The following SDK2 variants were observed in gnomAD, a reference collection of about 807,000 sequenced individuals.
SDK2 encodes the protein protein sidekick-2.
In SDK2, 105 loss-of-function variants were observed where a neutral mutation model predicts 253.9. That is an observed-to-expected ratio of 0.41 (90% confidence interval 0.35 to 0.49). The LOEUF is 0.49. Ranked by LOEUF, SDK2 falls within the 20% of genes least tolerant of loss-of-function variation. The pLI is 0.06. For synonymous variants in SDK2, 1,249 were observed against 1,234.9 expected (o/e 1.01, Z -0.24); for missense variants, 2,608 against 3,003.0 (o/e 0.87, Z 3.07).
At chr17:73,574,662 C>G (rs1481479189) in intron 1 of SDK2, among the ~76,000 whole-genome samples, 1 of 152,176 alleles carries the variant, frequency 6.6e-6, no homozygotes, top group African/African-American at 2.4e-5. Flanking sequence ...CCTTCGGAAC[C>G]AAGGCAAGCT....
intron 30 of SDK2, 45 bp downstream of exon 30, chr17:73,387,791 C>A (rs989939816): frequency 6.1e-6 from 9 of 1,483,468 alleles, no homozygotes; most frequent in East Asian, 2.5e-5. Context: ...CTGGTCCCGG[C>A]GGGGAGAGGG....
At position 73,394,153 on chromosome 17, in the gene SDK2, G is replaced by A. The variant is rs2062951286; in HGVS notation, c.3708+56C>T. ...GTGATAAGGACAAGGCCCCTTGGAT[G>A]GAGAGGCTGGAGGGGCCAGTGTAGG... is the stretch of plus-strand genomic sequence containing the variant. On this transcript the variant is annotated intron_variant, in intron 26 of 44. Coordinates refer to ENST00000392650, the MANE Select transcript of SDK2 (RefSeq NM_001144952.2). 4 of 1,083,708 alleles carry A rather than the reference G, an allele frequency of 3.7e-6. No homozygotes were observed. In the Admixed American group the frequency reaches 1.1e-4, roughly 29 times the overall value. The allele number at this position is 1,083,708 out of a possible 1,614,324, so 67.1% of individuals were successfully genotyped here.
chr17:73,639,906 C>T lies in SDK2; in HGVS notation c.64+4119G>A, dbSNP rs1485336081. 1.3e-5 allele frequency among the ~76,000 whole-genome samples: 2 copies of T among 152,088 alleles called. No individual in the cohort carries two copies. The highest frequency in any genetic ancestry group is 4.8e-5 in the African/African-American group (2 of 41,382). ...GAGACCAGATGGCCTTGTGGGCAGA[C>T]GACGGTCCTAGATGACTTTTCGTGT... On this transcript the variant is annotated intron_variant, in intron 1 of 44. Coordinates refer to ENST00000392650, the MANE Select transcript of SDK2 (RefSeq NM_001144952.2). This position sits in a 1 kb window ranked among gnomAD's most constrained non-coding sequence, Gnocchi z 4.3.
rs533608304 is a variant in SDK2 at position 73,396,697 on chromosome 17, C to T, written c.3355-1305G>A. 5.3e-5 allele frequency among the ~76,000 whole-genome samples: 8 copies of T among 152,350 alleles called. No individual in the cohort carries two copies. The South Asian group carries it at 1.2e-3, about 24-fold the overall frequency. On this transcript the variant is annotated intron_variant, in intron 24 of 44. Transcript: ENST00000392650. ...GTGTCTAGGGCCCTGTGCCACATGG[C>T]AGCTGCCTTTCTATTCCCCCATGCA...
In SDK2 at chr17:73,616,430, A is replaced by T. The variant is rs1001315183; in HGVS notation, c.64+27595T>A. On this transcript the variant is annotated intron_variant, in intron 1 of 44. Coordinates refer to ENST00000392650, the MANE Select transcript of SDK2 (RefSeq NM_001144952.2). The surrounding 1 kb of genome is among the most constrained non-coding windows in gnomAD (Gnocchi z 5.2). ...AGGCAAGCAACGGTGATTTCCTTTC[A>T]CTTGGGCAGGCTGACCGTGGCCTCA... Among the ~76,000 whole-genome samples, 15 of 152,142 alleles carry T rather than the reference A, an allele frequency of 9.9e-5. No individual in the cohort carries two copies. The highest frequency in any genetic ancestry group is 3.1e-4 in the African/African-American group (13 of 41,486).
At position 73,593,926 on chromosome 17, in the gene SDK2, A is replaced by G. The variant is rs141845084; in HGVS notation, c.64+50099T>C. Among the ~76,000 whole-genome samples, 114 of 152,232 alleles carry G rather than the reference A, an allele frequency of 7.5e-4. No homozygotes were observed. In the East Asian group the frequency reaches 0.021, roughly 28 times the overall value. On this transcript the variant is annotated intron_variant, in intron 1 of 44. Coordinates refer to ENST00000392650, the MANE Select transcript of SDK2 (RefSeq NM_001144952.2). ...AGTCTGTGTTGGACAATTTGGTTGC[A>G]TTATCTCCTTTAATCCCCACAGGGA...
At chr17:73,391,564 C>A (rs373481242) in intron 27 of SDK2, 26 bp from the exon 28 acceptor site, 143 of 1,223,812 alleles carry the variant, frequency 1.2e-4, no homozygotes, top group Non-Finnish European at 1.4e-4. Flanking sequence ...GAGAGGAGGC[C>A]GACCCATGAG....
At chr17:73,620,934 G>T (rs1436333248) in intron 1 of SDK2, among the ~76,000 whole-genome samples, 1 of 152,194 alleles carries the variant, frequency 6.6e-6, no homozygotes, top group Non-Finnish European at 1.5e-5. Flanking sequence ...CTAGATAGAG[G>T]TGATGGTTGC....
In SDK2 at chr17:73,335,831, C is replaced by T. The variant is rs190631167; in HGVS notation, c.*2756G>A. ...CAGAGGGAGTTCAGGAGTCTCTTTG[C>T]TAACACACATACAGATGTGTGTTCT... On this transcript the variant is annotated 3_prime_UTR_variant, in exon 45 of 45. Transcript: ENST00000392650. The T allele has an allele frequency of 6.6e-6, 1 of 152,424 alleles. No individual in the cohort carries two copies. The highest frequency in any genetic ancestry group is 2.4e-5 in the African/African-American group (1 of 41,590). 9.4% of individuals were successfully genotyped at this position (152,424 alleles called of 1,614,324 possible).
Position 73,511,378 on chromosome 17 carries a change from C to T in SDK2, c.65-3781G>A, listed in dbSNP as rs2063979211. Among the ~76,000 whole-genome samples the T allele has an allele frequency of 1.3e-5, 2 of 152,196 alleles. No homozygotes were observed. The highest frequency in any genetic ancestry group is 4.8e-5 in the African/African-American group (2 of 41,454). The stretch of plus-strand genomic sequence containing the variant: ...CGCGAGCACGCACACGCTCTGCGCC[C>T]AGACGCCCTCGCCTCTGTAAACCTG... On this transcript the variant is annotated intron_variant, in intron 1 of 44. Coordinates refer to ENST00000392650, the MANE Select transcript of SDK2 (RefSeq NM_001144952.2). The surrounding 1 kb of genome is among the most constrained non-coding windows in gnomAD (Gnocchi z 4.9).
intron 1 of SDK2, among the ~76,000 whole-genome samples, chr17:73,552,314 C>A (rs1282780126): frequency 6.6e-6 from 1 of 152,192 alleles, no homozygotes. Flanking sequence ...TTGTCTTATT[C>A]ATAAAATGAG....
chr17:73,405,692 G>T (rs1391811520), intron 18 of SDK2, among the ~76,000 whole-genome samples: 1 of 150,012 alleles, frequency 6.7e-6, no homozygotes, highest in Non-Finnish European at 1.5e-5. Flanking sequence ...TGTAGTATTT[G>T]CATGTAACCT....
rs2045362623 is a variant in SDK2 at position 73,570,050 on chromosome 17, G to C, written c.65-62453C>G. 1.3e-5 allele frequency among the ~76,000 whole-genome samples: 2 copies of C among 152,228 alleles called. No individual in the cohort carries two copies. The highest frequency in any genetic ancestry group is 4.2e-4 in the South Asian group (2 of 4,818). ...GACCTCAGCGCTCTAACTCTTTCAG[G>C]CTTCGGCTGGGGAAGGAAGAGAGTC... On this transcript the variant is annotated intron_variant, in intron 1 of 44. Transcript: ENST00000392650. This position sits in a 1 kb window ranked among gnomAD's most constrained non-coding sequence, Gnocchi z 4.2.
chr17:73,418,210 A>G (rs2063200158), intron 16 of SDK2, among the ~76,000 whole-genome samples: 1 of 151,986 alleles, frequency 6.6e-6, no homozygotes, highest in Admixed American at 6.6e-5. Flanking sequence ...GTTTCACCAT[A>G]TTGGCCAGGA....
Position 73,599,352 on chromosome 17 carries a change from C to T in SDK2, c.64+44673G>A, listed in dbSNP as rs571202920. On this transcript the variant is annotated intron_variant, in intron 1 of 44. Coordinates refer to ENST00000392650, the MANE Select transcript of SDK2 (RefSeq NM_001144952.2). Reference sequence around the variant, plus strand: ...TTCAAGACCAGCCTGGCCAACATGGCGAAACCCCATCTCTACCAAAAATAC... The same window carrying T: ...TTCAAGACCAGCCTGGCCAACATGGTGAAACCCCATCTCTACCAAAAATAC... Among the ~76,000 whole-genome samples the T allele has an allele frequency of 9.2e-5, 14 of 152,084 alleles. No homozygotes were observed. In the South Asian group the frequency reaches 1.7e-3, roughly 18 times the overall value.
chr17:73,604,652 G>C (rs2045884080), intron 1 of SDK2, among the ~76,000 whole-genome samples: 1 of 152,184 alleles, frequency 6.6e-6, no homozygotes, highest in Non-Finnish European at 1.5e-5. Flanking sequence ...CGGGGCTGAG[G>C]GGTGTGGAGA....
chr17:73,423,840 G>T, intron 13 of SDK2, 76 bp downstream of exon 13: 1 of 1,267,638 alleles, frequency 7.9e-7, no homozygotes, highest in Non-Finnish European at 1.1e-6. Flanking sequence ...TGAAAAAAGG[G>T]ACTCGGCTGG....
intron 18 of SDK2, among the ~76,000 whole-genome samples, chr17:73,404,859 G>A (rs1338240532): frequency 6.6e-6 from 1 of 152,080 alleles, no homozygotes; most frequent in Non-Finnish European, 1.5e-5. Flanking sequence ...AGAGGCCCAG[G>A]GAGGCAAGCC....
At chr17:73,399,538 C>T (rs1272612422) in intron 21 of SDK2, among the ~76,000 whole-genome samples, 2 of 152,304 alleles carry the variant, frequency 1.3e-5, no homozygotes, top group East Asian at 1.9e-4. Flanking sequence ...AGGAGGCTCT[C>T]AGGGCCAGGA....
Sources: gnomAD v4.1 joint callset for allele counts (sites outside exome capture counted in the v4.1 genomes callset) on GRCh38, gnomAD v4.1.1 for gene constraint, Gnocchi (gnomAD v3.1) non-coding constraint, MANE v1.5 for transcripts, NCBI Gene and HGNC (gene_info 2026-07-23, HGNC 2026-07-21) for gene names.